Variants in SOS1 observed in about 807,000 individuals in gnomAD.
The protein encoded by SOS1 is SOS Ras/Rac guanine nucleotide exchange factor 1.
A neutral mutation model predicts 157.6 loss-of-function variants in SOS1; 25 were observed. The observed-to-expected ratio is 0.16, with a 90% CI of 0.12 to 0.22. The LOEUF is 0.22. SOS1 is among the 10% of genes least tolerant of loss of function. The pLI is 1.00. For missense variants in SOS1, 1,237 were observed against 1,599.1 expected, an observed-to-expected ratio of 0.77 and a Z score of 3.86; for synonymous variants, 528 against 534.0, an observed-to-expected ratio of 0.99 and a Z score of 0.16.
At chr2:39,089,028 G>C (rs1672482297) in intron 1 of SOS1, among the ~76,000 whole-genome samples, 1 of 152,158 alleles carries the variant, frequency 6.6e-6, no homozygotes, top group Non-Finnish European at 1.5e-5. Flanking sequence ...TTGGTATGAA[G>C]TGGTATCTCA....
chr2:39,021,191 A>C (rs1669783003), intron 10 of SOS1, among the ~76,000 whole-genome samples: 1 of 151,674 alleles, frequency 6.6e-6, no homozygotes, highest in Non-Finnish European at 1.5e-5. Context: ...CACGGACTTT[A>C]CCTAACATTG....
At chr2:39,077,483 A>G (rs909573519) in intron 1 of SOS1, among the ~76,000 whole-genome samples, 17 of 152,290 alleles carry the variant, frequency 1.1e-4, no homozygotes, top group African/African-American at 2.4e-4. Flanking sequence ...AATTGAAACA[A>G]TTTTCTGAAA....
chr2:39,034,608 A>C (rs1278889078), intron 8 of SOS1, among the ~76,000 whole-genome samples: 2 of 152,250 alleles, frequency 1.3e-5, no homozygotes, highest in African/African-American at 4.8e-5. Flanking sequence ...AGGAAAAGAA[A>C]AAAGAGACAA....
chr2:39,045,822 C>G (rs999886542), intron 6 of SOS1, among the ~76,000 whole-genome samples: 4 of 152,154 alleles, frequency 2.6e-5, no homozygotes, highest in Non-Finnish European at 5.9e-5. Context: ...AATTCTCCTG[C>G]CTTAGACTCC....
intron 1 of SOS1, among the ~76,000 whole-genome samples, chr2:39,075,874 T>C (rs537398963): frequency 6.6e-6 from 1 of 152,108 alleles, no homozygotes; most frequent in South Asian, 2.1e-4. Context: ...TTCCTAAAAA[T>C]TATAAATTAT....
chr2:39,093,846 C>G (rs1401638470), intron 1 of SOS1, among the ~76,000 whole-genome samples: 1 of 152,156 alleles, frequency 6.6e-6, no homozygotes, highest in East Asian at 1.9e-4. Context: ...TGGAAGGAAC[C>G]AAAAGTTCAT....
At position 39,034,680 on chromosome 2, in the gene SOS1, G is replaced by A. The variant is rs948322169; in HGVS notation, c.1074+532C>T. ...TGTGATCAAATGGGCAATTTTTACT[G>A]AGATTACAGAAATTTATTGTTTCTA... On this transcript the variant is annotated intron_variant, in intron 8 of 22. Transcript: ENST00000402219. 10 of 360,644 alleles carry A rather than the reference G, an allele frequency of 2.8e-5. No individual in the cohort carries two copies. In the East Asian group the frequency reaches 6.6e-4, roughly 24 times the overall value. The allele number at this position is 360,644 out of a possible 1,614,324, so 22.3% of individuals were successfully genotyped here.
chr2:39,033,278 G>A (rs1371400329), intron 8 of SOS1, among the ~76,000 whole-genome samples: 5 of 149,740 alleles, frequency 3.3e-5, no homozygotes, highest in African/African-American at 1.2e-4. Flanking sequence ...AAAATTTCCT[G>A]CCCAATATAC....
chr2:39,091,130 A>G (rs1289748953), intron 1 of SOS1, among the ~76,000 whole-genome samples: 1 of 152,150 alleles, frequency 6.6e-6, no homozygotes, highest in Non-Finnish European at 1.5e-5. Context: ...TGGCCTGCCA[A>G]AGTGCTGGGA....
At chr2:39,003,776 G>A (rs1484012784) in intron 17 of SOS1, among the ~76,000 whole-genome samples, 1 of 152,136 alleles carries the variant, frequency 6.6e-6, no homozygotes, top group Admixed American at 6.5e-5. Context: ...AAAAAGGACT[G>A]AAGAAACCCT....
In SOS1 at chr2:38,982,031, C is replaced by T. The variant is rs572337843; in HGVS notation, c.*3793G>A. The T allele has an allele frequency of 2.0e-5, 3 of 152,284 alleles. No individual in the cohort carries two copies. Among genetic ancestry groups the T allele is most frequent in the Non-Finnish European group, 2.9e-5 (2 of 68,018 alleles). The allele number at this position is 152,284 out of a possible 1,614,324, so 9.4% of individuals were successfully genotyped here. A position where few individuals can be genotyped will look rare whatever the true frequency, so the allele number is the denominator to read the frequency against. ...GGCATGCATCTGGCACAGGTGCGCT[C>T]TCCCTAAGCCACACCACATGTACCT... is the stretch of plus-strand genomic sequence containing the variant. On this transcript the variant is annotated 3_prime_UTR_variant, in exon 23 of 23. Coordinates refer to ENST00000402219, the MANE Select transcript of SOS1 (RefSeq NM_005633.4).
chr2:39,117,671 T>C (rs920446865), intron 1 of SOS1, among the ~76,000 whole-genome samples: 8 of 152,098 alleles, frequency 5.3e-5, no homozygotes, highest in Non-Finnish European at 1.2e-4. Context: ...ACTGGTGAGA[T>C]TTGAAAAACA....
At chr2:39,115,446 A>AT (rs1358024439) in intron 1 of SOS1, among the ~76,000 whole-genome samples, 1 of 34,386 alleles carries the variant, frequency 2.9e-5, no homozygotes, top group Middle Eastern at 0.021. Flanking sequence ...ACAGGGTCTC[A>AT]TTTTTTTGCC....
rs543571782 is a variant in SOS1 at position 39,108,422 on chromosome 2, C to A, written c.87+11914G>T. Among the ~76,000 whole-genome samples, 28 of 152,294 alleles carry A rather than the reference C, an allele frequency of 1.8e-4. No homozygotes were observed. The South Asian group carries it at 3.9e-3, about 21-fold the overall frequency. On this transcript the variant is annotated intron_variant, in intron 1 of 22. Transcript: ENST00000402219. ...ATAATTTGATTCACACGATCTGGCC[C>A]CCACTCCAGACTTCAGCTACTCAGA...
chr2:39,074,116 G>A (rs572143964), intron 1 of SOS1, among the ~76,000 whole-genome samples: 9 of 152,212 alleles, frequency 5.9e-5, no homozygotes, highest in Middle Eastern at 6.8e-3. Context: ...TTGGGAGGCC[G>A]AGGTGGGTGG....
At chr2:39,072,098 T>C (rs2148149392) in intron 1 of SOS1, among the ~76,000 whole-genome samples, 1 of 152,328 alleles carries the variant, frequency 6.6e-6, no homozygotes, top group Non-Finnish European at 1.5e-5. Flanking sequence ...GTATTGGATA[T>C]ACAGATATGA....
intron 13 of SOS1, 103 bp downstream of exon 13, chr2:39,013,357 T>C (rs1414678757): frequency 1.3e-6 from 1 of 793,164 alleles, no homozygotes; most frequent in Non-Finnish European, 2.2e-6. Flanking sequence ...CTGGTACTAT[T>C]ATAAACATCT....
At chr2:39,081,085 C>A (rs1353241737) in intron 1 of SOS1, among the ~76,000 whole-genome samples, 1 of 151,764 alleles carries the variant, frequency 6.6e-6, no homozygotes, top group African/African-American at 2.4e-5. Flanking sequence ...GGAAGCTGAC[C>A]CCAGGAGTTC....
intron 19 of SOS1, among the ~76,000 whole-genome samples, chr2:38,996,379 C>G (rs996604997): frequency 6.6e-6 from 1 of 152,178 alleles, no homozygotes; most frequent in Non-Finnish European, 1.5e-5. Flanking sequence ...CACGAGCCAC[C>G]GCACCTGGCA....
Sources: allele counts gnomAD v4.1 joint callset (sites outside exome capture counted in the v4.1 genomes callset), GRCh38; gene constraint gnomAD v4.1.1; transcripts MANE v1.5; gene names NCBI Gene and HGNC (gene_info 2026-07-23, HGNC 2026-07-21).